The following RTL9 variants were observed in gnomAD, a reference collection of about 807,000 sequenced individuals.
RTL9 encodes retrotransposon Gag-like protein 9.
RTL9 carries 19 observed loss-of-function variants against 44.7 expected under a neutral mutation model. The observed-to-expected ratio is 0.42, with a 90% CI of 0.30 to 0.62. The LOEUF is 0.62. Ranked by LOEUF, RTL9 falls within the 20% of genes least tolerant of loss-of-function variation. The pLI is 0.16. For missense variants in RTL9, 1,105 were observed against 1,080.6 expected (o/e 1.02, Z -0.32); for synonymous variants, 407 against 398.9 (o/e 1.02, Z -0.24).
intron 1 of RTL9, among the ~76,000 whole-genome samples, chrX:110,409,591 T>C (rs191412382): frequency 4.8e-4 from 53 of 110,689 alleles, no homozygotes; most frequent in African/African-American, 1.7e-3. Flanking sequence ...GATCTCAGGC[T>C]GTCTTGGCCT....
intron 1 of RTL9, among the ~76,000 whole-genome samples, chrX:110,381,596 C>A (rs2068419705): frequency 9.0e-6 from 1 of 111,674 alleles, no homozygotes; most frequent in Admixed American, 9.5e-5. Flanking sequence ...GAAAATAAAC[C>A]ATTCTACCAA....
chrX:110,416,209 T>C (rs1308558036), upstream of RTL9, among the ~76,000 whole-genome samples: 2 of 111,658 alleles, frequency 1.8e-5, no homozygotes, highest in Non-Finnish European at 3.8e-5. Context: ...GGCTCAGCTC[T>C]GAAATCATGA....
chrX:110,431,857 G>A (rs1345096476), intron 1 of RTL9, among the ~76,000 whole-genome samples: 1 of 111,870 alleles, frequency 8.9e-6, no homozygotes, highest in African/African-American at 3.3e-5. Flanking sequence ...CAGCTGGCAA[G>A]GTCTGGGCTA....
intron 1 of RTL9, among the ~76,000 whole-genome samples, chrX:110,441,281 C>G (rs1180273275): frequency 1.8e-5 from 2 of 112,001 alleles, no homozygotes; most frequent in Non-Finnish European, 3.8e-5. Flanking sequence ...GGGTTTGGCA[C>G]TCTCAGTAAG....
intron 1 of RTL9, among the ~76,000 whole-genome samples, chrX:110,438,819 T>A (rs2068858221): frequency 8.9e-6 from 1 of 112,268 alleles, no homozygotes; most frequent in Non-Finnish European, 1.9e-5. Context: ...CAAAGGAACA[T>A]CTTATCCTTT....
intron 1 of RTL9, among the ~76,000 whole-genome samples, chrX:110,402,413 CT>C (rs1213335090): frequency 8.9e-6 from 1 of 112,935 alleles, no homozygotes; most frequent in Non-Finnish European, 1.9e-5. Flanking sequence ...GTGCAAATTC[CT>C]TGATCAGAGC....
chrX:110,447,324 T>G (rs186609996), upstream of RTL9, among the ~76,000 whole-genome samples: 1 of 108,917 alleles, frequency 9.2e-6, no homozygotes, highest in East Asian at 2.9e-4. Flanking sequence ...TCAAATGAGA[T>G]AATGCTGGTG....
intron 1 of RTL9, among the ~76,000 whole-genome samples, chrX:110,437,751 C>A (rs1378383196): frequency 9.0e-6 from 1 of 111,264 alleles, no homozygotes; most frequent in African/African-American, 3.3e-5. Context: ...TTAGTGTGGT[C>A]CCCTCCTTTG....
At chrX:110,410,851 G>A (rs1042338777) in intron 1 of RTL9, among the ~76,000 whole-genome samples, 3 of 112,226 alleles carry the variant, frequency 2.7e-5, no homozygotes, top group African/African-American at 9.7e-5. Context: ...TCATTTTGGC[G>A]CAATTCAAGG....
upstream of RTL9, among the ~76,000 whole-genome samples, chrX:110,449,325 C>T (rs750566521): frequency 8.9e-6 from 1 of 112,523 alleles, no homozygotes; most frequent in Admixed American, 9.3e-5. Context: ...GAGTGTTTGC[C>T]AGTCAGTGCA....
At chrX:110,433,574 A>C (rs2068814523) in intron 1 of RTL9, among the ~76,000 whole-genome samples, 1 of 111,867 alleles carries the variant, frequency 8.9e-6, no homozygotes, top group Non-Finnish European at 1.9e-5. Context: ...CATTTGTATT[A>C]TGCTTATCAT....
chrX:110,368,192 A>G (rs2068311852), intron 1 of RTL9, among the ~76,000 whole-genome samples: 1 of 109,737 alleles, frequency 9.1e-6, no homozygotes, highest in African/African-American at 3.3e-5. Context: ...ACCTTAATCC[A>G]AGCCAGCATC....
At chrX:110,360,505 G>A (rs1482116258) in intron 1 of RTL9, among the ~76,000 whole-genome samples, 1 of 111,475 alleles carries the variant, frequency 9.0e-6, no homozygotes, top group Non-Finnish European at 1.9e-5. Context: ...AGAGAATGGT[G>A]GACAGAATTG....
intron 1 of RTL9, among the ~76,000 whole-genome samples, chrX:110,379,654 ACACATG>A (rs1356795538): frequency 8.9e-6 from 1 of 112,363 alleles, no homozygotes; most frequent in Admixed American, 9.4e-5. Context: ...TCTTTCACAC[ACACATG>A]CACATGCACA....
chrX:110,437,690 C>T (rs1198529471), intron 1 of RTL9, among the ~76,000 whole-genome samples: 2 of 111,485 alleles, frequency 1.8e-5, no homozygotes, highest in Non-Finnish European at 3.8e-5. Flanking sequence ...GAGTTCAATG[C>T]GGGTATCAGA....
intron 1 of RTL9, among the ~76,000 whole-genome samples, chrX:110,367,973 AATTATTATTATTATT>A (rs201193443): frequency 9.4e-5 from 8 of 85,333 alleles, no homozygotes; most frequent in South Asian, 6.2e-4. Context: ...AGTGCTGGCT[AATTATTATTATTATT>A]ATTATTATTA....
chrX:110,386,554 G>C (rs1335652736), intron 1 of RTL9, among the ~76,000 whole-genome samples: 1 of 111,096 alleles, frequency 9.0e-6, no homozygotes, highest in Non-Finnish European at 1.9e-5. Flanking sequence ...TTACTGAGTT[G>C]TAACAGTTCT....
At chrX:110,360,492 G>C (rs1457021828) in intron 1 of RTL9, among the ~76,000 whole-genome samples, 2 of 111,592 alleles carry the variant, frequency 1.8e-5, no homozygotes, top group Non-Finnish European at 3.8e-5. Context: ...TAGTAATAGA[G>C]ACAGAGAATG....
chrX:110,421,992 T>C (rs985738175), intron 1 of RTL9, among the ~76,000 whole-genome samples: 2 of 113,145 alleles, frequency 1.8e-5, no homozygotes, highest in Non-Finnish European at 3.7e-5. Context: ...TTCTGAGTGC[T>C]TTGGTATTTG....
Sources: gnomAD v4.1 joint callset for allele counts (sites outside exome capture counted in the v4.1 genomes callset) on GRCh38, gnomAD v4.1.1 for gene constraint, MANE v1.5 for transcripts, NCBI Gene and HGNC (gene_info 2026-07-23, HGNC 2026-07-21) for gene names.